DDB2: variants seen among roughly 807,000 people sequenced by gnomAD.
DDB2 encodes the protein damage specific DNA binding protein 2.
DDB2 carries 27 observed loss-of-function variants against 50.5 expected under a neutral mutation model. That is an observed-to-expected ratio of 0.53 (90% CI 0.39 to 0.74). The LOEUF is 0.74. Ranked by LOEUF, DDB2 falls within the 30% of genes least tolerant of loss-of-function variation. The probability of loss-of-function intolerance (pLI) is 0.00; values close to 1 mark genes in which losing one functional copy is unlikely to be tolerated. For missense variants in DDB2, 424 were observed against 545.6 expected, an observed-to-expected ratio of 0.78 and a Z score of 2.22; for synonymous variants, 176 against 205.5, an observed-to-expected ratio of 0.86 and a Z score of 1.23.
chr11:47,231,519 AATTTT>A (rs916414479), intron 3 of DDB2, among the ~76,000 whole-genome samples: 243 of 152,178 alleles, frequency 1.6e-3, no homozygotes, highest in African/African-American at 5.7e-3. Flanking sequence ...TTCTATTTTT[AATTTT>A]ATTTTATTTT....
intron 3 of DDB2, among the ~76,000 whole-genome samples, chr11:47,229,993 G>A (rs1953621748): frequency 6.6e-6 from 1 of 151,458 alleles, no homozygotes; most frequent in African/African-American, 2.4e-5. Context: ...ATCACTCCCA[G>A]CTAATTTTTA....
intron 7 of DDB2, 23 bp from the exon 8 acceptor site, chr11:47,237,814 T>C (rs1953757131): frequency 6.2e-7 from 1 of 1,613,840 alleles, no homozygotes. Context: ...TTTACCCTCA[T>C]GGCCGGCCTC....
chr11:47,216,080 C>A, intron 1 of DDB2: 1 of 585,288 alleles, frequency 1.7e-6, no homozygotes, highest in Non-Finnish European at 3.1e-6. Context: ...TGGCTGGGGT[C>A]TCAGGAACCC....
chr11:47,238,393 C>T (rs1423969497), intron 9 of DDB2, among the ~76,000 whole-genome samples: 2 of 151,996 alleles, frequency 1.3e-5, no homozygotes, highest in African/African-American at 2.4e-5. Flanking sequence ...TGTCCAGTTT[C>T]CTAGTATTTC....
intron 3 of DDB2, among the ~76,000 whole-genome samples, chr11:47,231,822 G>A (rs1953653980): frequency 1.3e-5 from 2 of 152,224 alleles, no homozygotes; most frequent in South Asian, 4.2e-4. Context: ...GACATTCTAT[G>A]AGGGCAAAAC....
At chr11:47,224,987 G>C (rs1953536574) in intron 3 of DDB2, among the ~76,000 whole-genome samples, 1 of 151,564 alleles carries the variant, frequency 6.6e-6, no homozygotes, top group Non-Finnish European at 1.5e-5. Flanking sequence ...TTCCAGGCTG[G>C]AGTGCACTGG....
chr11:47,215,928 C>T (rs974051174), intron 1 of DDB2: 7 of 320,330 alleles, frequency 2.2e-5, no homozygotes, highest in Admixed American at 9.3e-5. Context: ...TTTTCCTAAA[C>T]GGTGACTTCT....
chr11:47,237,858 A>G lies in DDB2; in HGVS notation c.1045A>G (p.Asn349Asp). The change falls in exon 8 of 10, where the codon AAC becomes GAC. Residue 349 changes from asparagine (N) to aspartate (D), a missense_variant. Coordinates refer to ENST00000256996, the MANE Select transcript of DDB2 (RefSeq NM_000107.3). ...PIKAAWHPRY[N>D]LIVVGRYPDP... The stretch of plus-strand genomic sequence containing the variant: ...CTAGGCAGCCTGGCATCCTCGCTAC[A>G]ACCTCATTGTTGTGGGCCGATACCC... 1.2e-6 allele frequency: 2 copies of G among 1,614,080 alleles called. No homozygotes were observed. The highest frequency in any genetic ancestry group is 1.7e-6 in the Non-Finnish European group (2 of 1,180,022).
At chr11:47,228,977 A>AAATATCTATCTATC (rs376107098) in intron 3 of DDB2, among the ~76,000 whole-genome samples, 1 of 124,660 alleles carries the variant, frequency 8.0e-6, no homozygotes, top group Admixed American at 9.4e-5. Context: ...AAAAAAAGAA[A>AAATATCTATCTATC]TATCTATCTA....
chr11:47,216,293 T>C (rs1431449750), intron 1 of DDB2, 43 bp from the exon 2 acceptor site: 2 of 1,614,022 alleles, frequency 1.2e-6, no homozygotes, highest in East Asian at 2.2e-5. Flanking sequence ...AGAAAAACCT[T>C]TCGTGAGATT....
At chr11:47,229,167 A>C (rs914726777) in intron 3 of DDB2, among the ~76,000 whole-genome samples, 2 of 152,006 alleles carry the variant, frequency 1.3e-5, no homozygotes, top group African/African-American at 4.8e-5. Flanking sequence ...GCTGAGGTGA[A>C]TGTCATTACA....
intron 3 of DDB2, among the ~76,000 whole-genome samples, chr11:47,231,761 C>A (rs1444835819): frequency 6.6e-6 from 1 of 152,034 alleles, no homozygotes; most frequent in Non-Finnish European, 1.5e-5. Context: ...CTCAAGCAAT[C>A]CCCCCGCCTC....
chr11:47,219,860 T>C (rs189356916), intron 3 of DDB2, among the ~76,000 whole-genome samples: 2 of 152,266 alleles, frequency 1.3e-5, no homozygotes, highest in Non-Finnish European at 2.9e-5. Context: ...CAATCTCGGC[T>C]CACTGCAAGC....
At chr11:47,233,125 CTCA>C in intron 4 of DDB2, 166 bp downstream of exon 4, 1 of 830,156 alleles carries the variant, frequency 1.2e-6, no homozygotes, top group Non-Finnish European at 2.0e-6. Flanking sequence ...CTTGGCTGCC[CTCA>C]CTTTGGTCCA....
At chr11:47,216,130 G>C in intron 1 of DDB2, 1 of 752,420 alleles carries the variant, frequency 1.3e-6, no homozygotes, top group Non-Finnish European at 2.4e-6. Context: ...CTTACTGTTT[G>C]TGGGAGTGTT....
intron 3 of DDB2, among the ~76,000 whole-genome samples, chr11:47,222,479 C>T (rs1953499945): frequency 6.6e-6 from 1 of 152,102 alleles, no homozygotes; most frequent in Admixed American, 6.6e-5. Context: ...GAGTAGCTGG[C>T]ACTACATGCA....
intron 3 of DDB2, 155 bp downstream of exon 3, chr11:47,217,204 C>T (rs55749629): frequency 4.2e-5 from 26 of 622,964 alleles, no homozygotes; most frequent in Admixed American, 7.0e-5. Context: ...GGTGAAACCC[C>T]GTCTCTACTA....
In DDB2 at chr11:47,237,434, CT is replaced by C. The variant is rs564311013; in HGVS notation, c.1024-385del. ...GTTGGCTTGTTACTGGCAAATACTA[CT>C]TTTTTTTTTTTTTTTTTGAGAGTCT... On this transcript the variant is annotated intron_variant, in intron 7 of 9. Transcript: ENST00000256996. Among the ~76,000 whole-genome samples the C allele has an allele frequency of 4.5e-3, 630 of 139,180 alleles. 2 individuals are homozygous for C. Among genetic ancestry groups the C allele is most frequent in the Middle Eastern group, 0.011 (3 of 270 alleles). 91.3% of individuals were successfully genotyped at this position (139,180 alleles called of 152,430 possible). A position where few individuals can be genotyped will look rare whatever the true frequency, so the allele number is the denominator to read the frequency against.
chr11:47,234,622 A>G lies in DDB2; in HGVS notation c.652A>G (p.Thr218Ala), dbSNP rs754261384. Residue 218 changes from threonine to alanine, a missense_variant, in exon 5 of 10, where the codon ACA becomes GCA. By Grantham distance (58) the Thr-to-Ala change is moderately conservative. Coordinates refer to ENST00000256996, the MANE Select transcript of DDB2 (RefSeq NM_000107.3). The stretch of plus-strand genomic sequence containing the variant: ...GTCTGCTAGTAGCCGAATGGTGGTC[A>G]CAGGAGACAACGTGGGGAACGTGAT... ...DVSASSRMVVTGDNVGNVILL... is the reference protein window; with the variant it reads ...DVSASSRMVVAGDNVGNVILL... The G allele has an allele frequency of 2.5e-5, 40 of 1,614,026 alleles. No homozygotes were observed. The highest frequency in any genetic ancestry group is 3.3e-5 in the Non-Finnish European group (39 of 1,180,022).
Sources: gnomAD v4.1 joint callset for allele counts (sites outside exome capture counted in the v4.1 genomes callset) on GRCh38, gnomAD v4.1.1 for gene constraint, MANE v1.5 for transcripts, NCBI Gene and HGNC (gene_info 2026-07-23, HGNC 2026-07-21) for gene names.